Variants in ASIC2 observed in about 807,000 individuals in gnomAD.
ASIC2 encodes the protein acid-sensing ion channel 2.
A neutral mutation model predicts 57.3 loss-of-function variants in ASIC2; 25 were observed. The observed-to-expected ratio is 0.44, with a 90% confidence interval of 0.32 to 0.61. The LOEUF is 0.61. ASIC2 is among the 20% of genes least tolerant of loss of function. The pLI, the probability that ASIC2 is intolerant of heterozygous loss-of-function variation, is 0.06. For synonymous variants in ASIC2, 319 were observed against 307.5 expected, an observed-to-expected ratio of 1.04 and a Z score of -0.39; for missense variants, 641 against 738.1, an observed-to-expected ratio of 0.87 and a Z score of 1.52.
chr17:33,700,850 C>G (rs1908675950), intron 1 of ASIC2, among the ~76,000 whole-genome samples: 1 of 152,144 alleles, frequency 6.6e-6, no homozygotes, highest in Non-Finnish European at 1.5e-5. Flanking sequence ...GTAAAGTCTC[C>G]TTGGTCCCAT....
At chr17:33,332,251 G>C (rs112187998) in intron 1 of ASIC2, among the ~76,000 whole-genome samples, 14 of 152,256 alleles carry the variant, frequency 9.2e-5, no homozygotes, top group Admixed American at 7.2e-4. Flanking sequence ...GAAATACAAT[G>C]TGAGACACAC....
At chr17:33,594,827 CAAAAAA>C (rs61263575) in intron 1 of ASIC2, among the ~76,000 whole-genome samples, 1 of 114,194 alleles carries the variant, frequency 8.8e-6, no homozygotes, top group Non-Finnish European at 1.8e-5. Flanking sequence ...GACTCCATTT[CAAAAAA>C]AAAAAAAAAA....
intron 1 of ASIC2, among the ~76,000 whole-genome samples, chr17:33,140,768 A>G (rs2092384500): frequency 6.6e-6 from 1 of 152,254 alleles, no homozygotes; most frequent in African/African-American, 2.4e-5. Context: ...CTCCCTGTGC[A>G]GGACTATTAA....
chr17:33,797,571 G>A (rs1597879901), intron 1 of ASIC2, among the ~76,000 whole-genome samples: 1 of 152,146 alleles, frequency 6.6e-6, no homozygotes. Flanking sequence ...AAATAAATAT[G>A]CATGTTGATG....
At chr17:33,596,533 C>T (rs1464413318) in intron 1 of ASIC2, among the ~76,000 whole-genome samples, 1 of 152,140 alleles carries the variant, frequency 6.6e-6, no homozygotes, top group Non-Finnish European at 1.5e-5. Flanking sequence ...TCTACCTTCC[C>T]AGTTTGCATT....
At chr17:33,739,288 A>G (rs867710730) in intron 1 of ASIC2, among the ~76,000 whole-genome samples, 1 of 152,212 alleles carries the variant, frequency 6.6e-6, no homozygotes, top group Middle Eastern at 3.2e-3. Context: ...AACCAAAAAG[A>G]GGGGATTTGA....
At chr17:33,327,723 T>G (rs1422937359) in intron 1 of ASIC2, among the ~76,000 whole-genome samples, 3 of 152,206 alleles carry the variant, frequency 2.0e-5, no homozygotes, top group Non-Finnish European at 4.4e-5. Context: ...AGGGGTGTCA[T>G]GAGTATAATT....
At chr17:33,442,011 C>G (rs1217050925) in intron 1 of ASIC2, among the ~76,000 whole-genome samples, 1 of 152,170 alleles carries the variant, frequency 6.6e-6, no homozygotes. Context: ...GTGGTCCCAG[C>G]ATTGCTTGTT....
intron 1 of ASIC2, among the ~76,000 whole-genome samples, chr17:33,828,859 C>A (rs1597893211): frequency 6.6e-6 from 1 of 152,166 alleles, no homozygotes; most frequent in African/African-American, 2.4e-5. Context: ...CTTCCAAAAG[C>A]CATTGGCTGC....
At chr17:33,315,996 A>G (rs1403223769) in intron 1 of ASIC2, among the ~76,000 whole-genome samples, 1 of 152,178 alleles carries the variant, frequency 6.6e-6, no homozygotes, top group Non-Finnish European at 1.5e-5. Context: ...CTTCTGTGGT[A>G]TTGCTGTGTG....
intron 1 of ASIC2, among the ~76,000 whole-genome samples, chr17:34,020,532 A>T (rs1194491423): frequency 1.3e-5 from 2 of 152,138 alleles, no homozygotes; most frequent in Non-Finnish European, 2.9e-5. Context: ...TCTGAGTCAG[A>T]CCTGTCGAGC....
chr17:33,057,985 A>G (rs1268248983), intron 3 of ASIC2, among the ~76,000 whole-genome samples: 1 of 152,182 alleles, frequency 6.6e-6, no homozygotes, highest in East Asian at 1.9e-4. Context: ...TCCCAGTAAA[A>G]GTTAAGCATA....
At chr17:33,106,608 T>C (rs2092235621) in intron 2 of ASIC2, among the ~76,000 whole-genome samples, 1 of 152,192 alleles carries the variant, frequency 6.6e-6, no homozygotes, top group Non-Finnish European at 1.5e-5. Context: ...GCAGTTCTCT[T>C]GGGAGTGCCT....
At chr17:33,977,193 A>G (rs535822838) in intron 1 of ASIC2, among the ~76,000 whole-genome samples, 2 of 152,010 alleles carry the variant, frequency 1.3e-5, no homozygotes, top group Admixed American at 6.6e-5. Context: ...GGCATTTCCT[A>G]TGGACTGCTC....
chr17:33,508,176 C>T lies in ASIC2; in HGVS notation c.556-396109G>A, dbSNP rs183747115. On this transcript the variant is annotated intron_variant, in intron 1 of 9. Coordinates refer to the ASIC2 transcript ENST00000359872. ...ACTTCCGTCCTCTTCCCTCCATGCC[C>T]CTCCTCCCTTGCTCCCTTCTTCCTT... 4.7e-3 allele frequency among the ~76,000 whole-genome samples: 708 copies of T among 152,174 alleles called. 2 individuals carry two copies. Among genetic ancestry groups the T allele is most frequent in the Non-Finnish European group, 5.6e-3 (378 of 68,028 alleles).
At chr17:34,072,040 G>A (rs960929905) in intron 1 of ASIC2, 1 of 152,304 alleles carries the variant, frequency 6.6e-6, no homozygotes, top group East Asian at 1.9e-4. Context: ...GTAGGCTGGG[G>A]ACAGCTGATT....
intron 1 of ASIC2, among the ~76,000 whole-genome samples, chr17:33,719,015 G>A (rs527584065): frequency 1.1e-4 from 16 of 152,332 alleles, no homozygotes; most frequent in African/African-American, 3.8e-4. Context: ...CCAGGACAGA[G>A]CCCTTGTTGT....
At chr17:33,663,881 G>C (rs970658886) in intron 1 of ASIC2, among the ~76,000 whole-genome samples, 3 of 152,118 alleles carry the variant, frequency 2.0e-5, no homozygotes, top group African/African-American at 4.8e-5. Flanking sequence ...AGTGTGCTCA[G>C]GGCAGCCCTC....
chr17:33,540,171 G>T (rs889697217), intron 1 of ASIC2, among the ~76,000 whole-genome samples: 1 of 152,128 alleles, frequency 6.6e-6, no homozygotes, highest in Admixed American at 6.5e-5. Context: ...CTAGCTTTTG[G>T]TAGCTCCAGG....
Sources: allele counts gnomAD v4.1 joint callset (sites outside exome capture counted in the v4.1 genomes callset), GRCh38; gene constraint gnomAD v4.1.1; transcripts MANE v1.5; gene names NCBI Gene and HGNC (gene_info 2026-07-23, HGNC 2026-07-21).